DDX60: variants seen among roughly 807,000 people sequenced by gnomAD.
The protein encoded by DDX60 is DExD/H-box helicase 60.
In DDX60, 165 loss-of-function variants were observed where a neutral mutation model predicts 212.8. That is an observed-to-expected ratio of 0.78 (90% CI 0.68 to 0.88). The LOEUF (loss-of-function observed/expected upper bound fraction) is 0.88. Among genes scored for constraint, DDX60 ranks in the 40% least tolerant of loss-of-function variants. The pLI, the probability that DDX60 is intolerant of heterozygous loss-of-function variation, is 0.00. For synonymous variants in DDX60, 703 were observed against 685.3 expected, an observed-to-expected ratio of 1.03 and a Z score of -0.40; for missense variants, 1,905 against 2,003.9, an observed-to-expected ratio of 0.95 and a Z score of 0.94.
At chr4:168,229,084 C>T (rs965070489) in intron 33 of DDX60, among the ~76,000 whole-genome samples, 3 of 152,038 alleles carry the variant, frequency 2.0e-5, no homozygotes. Context: ...ACACCATGAA[C>T]TTTTGCTCCA....
chr4:168,260,436 G>A (rs1020774637), intron 25 of DDX60, among the ~76,000 whole-genome samples: 6 of 152,118 alleles, frequency 3.9e-5, no homozygotes, highest in Non-Finnish European at 7.3e-5. Flanking sequence ...ACTACGATAG[G>A]GAACTTTGTA....
At chr4:168,316,524 A>G (rs1383337275) in intron 1 of DDX60, among the ~76,000 whole-genome samples, 1 of 152,200 alleles carries the variant, frequency 6.6e-6, no homozygotes, top group African/African-American at 2.4e-5. Context: ...AAGACAATAT[A>G]TGAAAAAAAA....
intron 19 of DDX60, among the ~76,000 whole-genome samples, chr4:168,269,318 G>T (rs1734985796): frequency 6.6e-6 from 1 of 152,110 alleles, no homozygotes; most frequent in Non-Finnish European, 1.5e-5. Flanking sequence ...AAAAATGTTG[G>T]CCGGGCACGG....
chr4:168,292,464 T>C (rs1736152645), intron 7 of DDX60, among the ~76,000 whole-genome samples: 1 of 152,196 alleles, frequency 6.6e-6, no homozygotes, highest in African/African-American at 2.4e-5. Flanking sequence ...CTTAATCGCA[T>C]TTAAAATAAA....
In DDX60 at chr4:168,283,589, G is replaced by A. The variant is rs374733733; in HGVS notation, c.1579C>T (p.Arg527Cys). The change falls in exon 13 of 38, where the codon CGT becomes TGT. Residue 527 changes from arginine to cysteine, a missense_variant. Physicochemically the swap from Arg to Cys is radical, Grantham distance 180. Coordinates refer to ENST00000393743, the MANE Select transcript of DDX60 (RefSeq NM_017631.6). ...CQFDEKSRDP[R>C]VLRSVQKYHV... ...TACTTTTGCACAGATCTAAGAACAC[G>A]AGGGTCTCTAGATTTTTCTGAAAAA... The A allele has an allele frequency of 1.1e-5, 17 of 1,602,012 alleles. No individual in the cohort carries two copies. Among genetic ancestry groups the A allele is most frequent in the African/African-American group, 4.0e-5 (3 of 74,246 alleles).
At chr4:168,230,502 T>C (rs1049867341) in intron 33 of DDX60, among the ~76,000 whole-genome samples, 7 of 152,096 alleles carry the variant, frequency 4.6e-5, no homozygotes, top group African/African-American at 1.7e-4. Context: ...CAGATCACAG[T>C]GGAATAAAAT....
At chr4:168,244,741 A>G (rs1033622688) in intron 30 of DDX60, among the ~76,000 whole-genome samples, 21 of 143,490 alleles carry the variant, frequency 1.5e-4, no homozygotes, top group African/African-American at 6.1e-4. Context: ...GAAAAGAAAA[A>G]AGAAAGAAAA....
rs566331805 is a variant in DDX60 at position 168,238,856 on chromosome 4, G to A, written c.4165-1061C>T. On this transcript the variant is annotated intron_variant, in intron 30 of 37. Coordinates refer to ENST00000393743, the MANE Select transcript of DDX60 (RefSeq NM_017631.6). ...GTAATAAGACTAGCAGAAGTAGAAC[G>A]CGACCTTTCAGTCCAGAAAACTACA... 1.5e-3 allele frequency among the ~76,000 whole-genome samples: 231 copies of A among 152,196 alleles called. 2 individuals are homozygous for A. The highest frequency in any genetic ancestry group is 4.1e-3 in the African/African-American group (171 of 41,532).
At position 168,293,947 on chromosome 4, in the gene DDX60, T is replaced by C; in HGVS notation, c.724-2A>G. Reference sequence around the variant, plus strand: ...AAGCAGAGATACAGTCTTGTGTGCCTGTCAAAGAAAAAAATTGTAATGTGT... The same window carrying C: ...AAGCAGAGATACAGTCTTGTGTGCCCGTCAAAGAAAAAAATTGTAATGTGT... On this transcript the variant is annotated splice_acceptor_variant, in intron 6 of 37. Coordinates refer to ENST00000393743, the MANE Select transcript of DDX60 (RefSeq NM_017631.6). LOFTEE classifies it high-confidence loss of function. The C allele has an allele frequency of 6.3e-7, 1 of 1,593,918 alleles. No homozygotes were observed. Among genetic ancestry groups the C allele is most frequent in the Non-Finnish European group, 8.5e-7 (1 of 1,174,880 alleles).
intron 13 of DDX60, among the ~76,000 whole-genome samples, chr4:168,282,027 C>A (rs367722770): frequency 6.6e-6 from 1 of 152,084 alleles, no homozygotes; most frequent in East Asian, 1.9e-4. Context: ...AACAAAAAAA[C>A]TGAAAAGCAG....
At chr4:168,245,639 C>T (rs1413275581) in intron 30 of DDX60, among the ~76,000 whole-genome samples, 1 of 152,062 alleles carries the variant, frequency 6.6e-6, no homozygotes. Context: ...TAGAAGAATC[C>T]CCCCTTCAGA....
intron 16 of DDX60, among the ~76,000 whole-genome samples, chr4:168,274,603 C>A (rs1241157207): frequency 6.6e-6 from 1 of 152,162 alleles, no homozygotes; most frequent in East Asian, 1.9e-4. Context: ...AACCGGTCCA[C>A]TCCCGGCCAC....
At chr4:168,313,653 A>C (rs1345005668) in intron 1 of DDX60, among the ~76,000 whole-genome samples, 2 of 152,222 alleles carry the variant, frequency 1.3e-5, no homozygotes, top group African/African-American at 4.8e-5. Context: ...AAAGGATAGC[A>C]TCAGATTCTA....
At chr4:168,254,949 T>G (rs1364987368) in intron 26 of DDX60, among the ~76,000 whole-genome samples, 1 of 152,222 alleles carries the variant, frequency 6.6e-6, no homozygotes, top group East Asian at 1.9e-4. Context: ...TAAAGAAGCT[T>G]AGACTTCATC....
intron 25 of DDX60, among the ~76,000 whole-genome samples, chr4:168,256,335 G>A (rs1462877928): frequency 1.3e-5 from 2 of 152,118 alleles, no homozygotes; most frequent in South Asian, 2.1e-4. Flanking sequence ...GGTAGAAGGT[G>A]AGAACCTATG....
chr4:168,248,919 T>C (rs1172854316), intron 28 of DDX60, among the ~76,000 whole-genome samples: 2 of 151,958 alleles, frequency 1.3e-5, no homozygotes, highest in Non-Finnish European at 2.9e-5. Flanking sequence ...ACCACTACAT[T>C]CGGCTAATTT....
intron 5 of DDX60, among the ~76,000 whole-genome samples, chr4:168,303,744 G>A (rs1054725553): frequency 1.3e-5 from 2 of 152,210 alleles, no homozygotes; most frequent in African/African-American, 4.8e-5. Flanking sequence ...AGCACTTTGG[G>A]AGGCCAAGAC....
In DDX60 at chr4:168,262,704, C is replaced by G; in HGVS notation, c.3123G>C (p.Trp1041Cys). The change falls in exon 23 of 38, where the codon TGG becomes TGC. Residue 1041 changes from tryptophan (W) to cysteine (C), a missense_variant. Trp to Cys is a radical substitution (Grantham distance 215). Coordinates refer to ENST00000393743, the MANE Select transcript of DDX60 (RefSeq NM_017631.6). ...TTACCTGGGCCCGAGGCCAACTTTT[C>G]CAAATTTGAAACATGGCATCATACA... ...IQLYDAMFQIWKSWPRAQELC... is the reference protein window; with the variant it reads ...IQLYDAMFQICKSWPRAQELC... The G allele has an allele frequency of 6.2e-7, 1 of 1,611,842 alleles. No individual in the cohort carries two copies. The highest frequency in any genetic ancestry group is 1.1e-5 in the South Asian group (1 of 90,764).
Position 168,285,437 on chromosome 4 carries a change from A to G in DDX60, c.1401T>C (p.Asp467=). ...GFIPTSSFVV[D]KFAGDILKDL... is the part of the protein sequence containing the mutation. ...CTTTCAAAATATCTCCAGCAAATTT[A>G]TCAACCACAAAAGATGACGTTGGAA... The change falls in exon 11 of 38, where the codon GAT becomes GAC. Residue 467 remains aspartate, a synonymous_variant. Transcript: ENST00000393743. 6.2e-7 allele frequency: 1 copy of G among 1,612,016 alleles called. No homozygotes were observed. Among genetic ancestry groups the G allele is most frequent in the African/African-American group, 1.3e-5 (1 of 74,998 alleles).
Sources: allele counts gnomAD v4.1 joint callset (sites outside exome capture counted in the v4.1 genomes callset), GRCh38; gene constraint gnomAD v4.1.1; transcripts MANE v1.5; gene names NCBI Gene and HGNC (gene_info 2026-07-23, HGNC 2026-07-21).